Variants in KCNIP4 observed in about 807,000 individuals in gnomAD.
KCNIP4 encodes the protein Kv channel-interacting protein 4.
Under a neutral mutation model 34.0 loss-of-function variants are expected in KCNIP4, and 12 were observed. The observed-to-expected ratio is 0.35, with a 90% CI of 0.23 to 0.57. The LOEUF is 0.57. Ranked by LOEUF, KCNIP4 falls within the 20% of genes least tolerant of loss-of-function variation. The probability of loss-of-function intolerance (pLI) is 0.83; values close to 1 mark genes in which losing one functional copy is unlikely to be tolerated. For synonymous variants in KCNIP4, 124 were observed against 102.2 expected, an observed-to-expected ratio of 1.21 and a Z score of -1.29; for missense variants, 238 against 311.7, an observed-to-expected ratio of 0.76 and a Z score of 1.78.
intron 1 of KCNIP4, among the ~76,000 whole-genome samples, chr4:21,881,657 C>A (rs1427835782): frequency 1.3e-5 from 2 of 152,128 alleles, no homozygotes; most frequent in African/African-American, 2.4e-5. Context: ...AGTAGTATAT[C>A]TGGGTTTGTG....
At chr4:20,756,759 C>T (rs551775801) in intron 4 of KCNIP4, among the ~76,000 whole-genome samples, 2 of 152,188 alleles carry the variant, frequency 1.3e-5, no homozygotes, top group South Asian at 2.1e-4. Flanking sequence ...CCTTACTGGA[C>T]TTCATCATTT....
intron 1 of KCNIP4, among the ~76,000 whole-genome samples, chr4:21,143,993 C>T (rs536323150): frequency 6.6e-6 from 1 of 152,266 alleles, no homozygotes; most frequent in East Asian, 1.9e-4. Flanking sequence ...CAGGCGTGAG[C>T]CACCGCGCCA....
intron 1 of KCNIP4, among the ~76,000 whole-genome samples, chr4:21,521,759 T>C (rs1469162207): frequency 1.3e-5 from 2 of 152,150 alleles, no homozygotes; most frequent in Non-Finnish European, 2.9e-5. Flanking sequence ...AATTTCATTC[T>C]TAATCATCTC....
In KCNIP4 at chr4:20,991,285, C is replaced by A. The variant is rs1737062532; in HGVS notation, c.62-108576G>T. 2.0e-5 allele frequency among the ~76,000 whole-genome samples: 3 copies of A among 152,094 alleles called. No individual in the cohort carries two copies. The South Asian group carries it at 6.2e-4, about 32-fold the overall frequency. ...TCAGAAAAGTAGGATGTGACGTTAA[C>A]CTCATAGTGAAGTGTAAATATTCAG... On this transcript the variant is annotated intron_variant, in intron 1 of 8. Transcript: ENST00000382152.
intron 1 of KCNIP4, among the ~76,000 whole-genome samples, chr4:21,895,956 A>G (rs1232799892): frequency 6.6e-6 from 1 of 152,172 alleles, no homozygotes; most frequent in African/African-American, 2.4e-5. Context: ...AACCATCCAG[A>G]CATCCCTAAA....
Position 21,899,730 on chromosome 4 carries a change from TAAAG to T in KCNIP4, c.61+48837_61+48840del, listed in dbSNP as rs368420770. On this transcript the variant is annotated intron_variant, in intron 1 of 8. Coordinates refer to ENST00000382152, the MANE Select transcript of KCNIP4 (RefSeq NM_025221.6). ...TAAAGTACTTAGATGCAAACTTAATTAAAGAAAGGAAGGAACTCTACACTGAAAA... is the reference window on the plus strand; with the variant it reads ...TAAAGTACTTAGATGCAAACTTAATTAAAGGAAGGAACTCTACACTGAAAA... Among the ~76,000 whole-genome samples, 36 of 152,064 alleles carry T rather than the reference TAAAG, an allele frequency of 2.4e-4. 1 individual carries two copies. Among genetic ancestry groups the T allele is most frequent in the African/African-American group, 7.0e-4 (29 of 41,508 alleles).
chr4:21,564,109 G>A (rs1349682344), intron 1 of KCNIP4, among the ~76,000 whole-genome samples: 2 of 152,036 alleles, frequency 1.3e-5, no homozygotes, highest in Non-Finnish European at 2.9e-5. Context: ...AAAATTACTT[G>A]ACTCCAAAAC....
At chr4:21,768,432 G>A (rs1244084569) in intron 1 of KCNIP4, among the ~76,000 whole-genome samples, 2 of 151,950 alleles carry the variant, frequency 1.3e-5, no homozygotes, top group Admixed American at 1.3e-4. Context: ...ATAAAGCAGG[G>A]CTTCACCTTG....
At chr4:21,946,132 T>C (rs1730500383) in intron 1 of KCNIP4, among the ~76,000 whole-genome samples, 2 of 151,812 alleles carry the variant, frequency 1.3e-5, no homozygotes, top group South Asian at 2.1e-4. Flanking sequence ...TCCTCTCTAC[T>C]TTCCATTCAT....
intron 1 of KCNIP4, among the ~76,000 whole-genome samples, chr4:21,351,054 A>G (rs1376930255): frequency 6.6e-6 from 1 of 152,204 alleles, no homozygotes; most frequent in Non-Finnish European, 1.5e-5. Flanking sequence ...TTTATCATAC[A>G]AATTTGAAAG....
At position 21,482,866 on chromosome 4, in the gene KCNIP4, T is replaced by C. The variant is rs368713535; in HGVS notation, c.61+465705A>G. Among the ~76,000 whole-genome samples the C allele has an allele frequency of 2.0e-4, 30 of 152,166 alleles. 2 individuals are homozygous for C. In the South Asian group the frequency reaches 6.2e-3, roughly 32 times the overall value. ...GAATTTGAATGTTGGCCTGACTTGCTAGATATAATGTGGCACATATACGCC... is the reference window on the plus strand; with the variant it reads ...GAATTTGAATGTTGGCCTGACTTGCCAGATATAATGTGGCACATATACGCC... On this transcript the variant is annotated intron_variant, in intron 1 of 8. Transcript: ENST00000382152.
intron 1 of KCNIP4, among the ~76,000 whole-genome samples, chr4:21,604,986 C>T (rs2109129985): frequency 6.6e-6 from 1 of 152,250 alleles, no homozygotes; most frequent in South Asian, 2.1e-4. Flanking sequence ...AAGTGTTGTT[C>T]CTCTGGCATT....
intron 3 of KCNIP4, among the ~76,000 whole-genome samples, chr4:20,800,406 C>T (rs1357395311): frequency 6.6e-6 from 1 of 152,172 alleles, no homozygotes; most frequent in African/African-American, 2.4e-5. Flanking sequence ...ACCAAAGGAG[C>T]ACAATAATTC....
At chr4:20,966,202 T>C (rs1734331710) in intron 1 of KCNIP4, among the ~76,000 whole-genome samples, 1 of 152,220 alleles carries the variant, frequency 6.6e-6, no homozygotes, top group African/African-American at 2.4e-5. Flanking sequence ...CATTTTCCCC[T>C]GTAATTTGTT....
At chr4:21,298,523 C>T (rs1763972636) in intron 1 of KCNIP4, among the ~76,000 whole-genome samples, 1 of 152,072 alleles carries the variant, frequency 6.6e-6, no homozygotes, top group Non-Finnish European at 1.5e-5. Context: ...CCTCCTTTCT[C>T]CAATCACCAG....
intron 1 of KCNIP4, among the ~76,000 whole-genome samples, chr4:21,067,538 A>G (rs879784277): frequency 2.6e-5 from 4 of 152,150 alleles, no homozygotes; most frequent in Non-Finnish European, 5.9e-5. Context: ...ACTTAGGAGG[A>G]ACTCATCCTC....
intron 1 of KCNIP4, among the ~76,000 whole-genome samples, chr4:21,664,886 T>C (rs1024757102): frequency 1.7e-4 from 26 of 152,212 alleles, no homozygotes; most frequent in African/African-American, 6.0e-4. Flanking sequence ...TATAAAATTA[T>C]CACAATAGTT....
chr4:20,765,353 G>C (rs567814254), intron 3 of KCNIP4, among the ~76,000 whole-genome samples: 59 of 152,272 alleles, frequency 3.9e-4, no homozygotes, highest in Admixed American at 7.2e-4. Context: ...TGTACACGGT[G>C]TATTTGTACC....
At chr4:20,771,207 A>G (rs1042754490) in intron 3 of KCNIP4, among the ~76,000 whole-genome samples, 5 of 152,114 alleles carry the variant, frequency 3.3e-5, no homozygotes, top group African/African-American at 9.7e-5. Context: ...ATATGTTCAT[A>G]TATATATACA....
Sources: allele counts gnomAD v4.1 joint callset (sites outside exome capture counted in the v4.1 genomes callset), GRCh38; gene constraint gnomAD v4.1.1; transcripts MANE v1.5; gene names NCBI Gene and HGNC (gene_info 2026-07-23, HGNC 2026-07-21).